TXNRD3: variants seen among roughly 807,000 people sequenced by gnomAD.
TXNRD3 encodes the protein TXNRD3 neighbor gene protein.
In TXNRD3, 68 loss-of-function variants were observed where a neutral mutation model predicts 78.2. That is an observed-to-expected ratio of 0.87 (90% confidence interval 0.72 to 1.06). The LOEUF is 1.06. TXNRD3 is among the 50% of genes least tolerant of loss of function. The pLI is 0.00. For missense variants in TXNRD3, 751 were observed against 809.5 expected, an observed-to-expected ratio of 0.93 and a Z score of 0.88; for synonymous variants, 296 against 300.1, an observed-to-expected ratio of 0.99 and a Z score of 0.14.
intron 9 of TXNRD3, 30 bp from the exon 10 acceptor site, chr3:126,629,501 A>G: frequency 6.8e-7 from 1 of 1,477,650 alleles, no homozygotes; most frequent in African/African-American, 1.4e-5. Context: ...TAATGATGTT[A>G]TCTAAATATG....
intron 6 of TXNRD3, among the ~76,000 whole-genome samples, chr3:126,634,896 C>T (rs1453860562): frequency 1.3e-5 from 2 of 152,156 alleles, no homozygotes; most frequent in African/African-American, 4.8e-5. Flanking sequence ...GGGATGTTAC[C>T]ATGCAGGAAA....
chr3:126,646,300 T>G, intron 2 of TXNRD3, 80 bp from the exon 3 acceptor site: 1 of 1,154,336 alleles, frequency 8.7e-7, no homozygotes, highest in South Asian at 1.7e-5. Context: ...GTTACAACAC[T>G]CAAATGTTCA....
At position 126,654,815 on chromosome 3, in the gene TXNRD3, A is replaced by C; in HGVS notation, c.176T>G (p.Leu59Arg). 7.0e-7 allele frequency: 1 copy of C among 1,422,018 alleles called. No individual in the cohort carries two copies. The highest frequency in any genetic ancestry group is 9.2e-7 in the Non-Finnish European group (1 of 1,088,934). The allele number at this position is 1,422,018 out of a possible 1,614,324, so 88.1% of individuals were successfully genotyped here. A position where few individuals can be genotyped will look rare whatever the true frequency, so the allele number is the denominator to read the frequency against. ...CCGGCTGCGCTCGATGAGGCCCACGAGGTGGCGGCGCAGCTCCTCGCGGGC... is the reference window on the plus strand; with the variant it reads ...CCGGCTGCGCTCGATGAGGCCCACGCGGTGGCGGCGCAGCTCCTCGCGGGC... Residue 59 changes from leucine to arginine, a missense_variant, in exon 1 of 16, where the codon CTC becomes CGC. Coordinates refer to ENST00000524230, the MANE Select transcript of TXNRD3 (RefSeq NM_052883.3).
At chr3:126,648,483 G>A (rs1289773142) in intron 1 of TXNRD3, among the ~76,000 whole-genome samples, 1 of 152,128 alleles carries the variant, frequency 6.6e-6, no homozygotes, top group Non-Finnish European at 1.5e-5. Context: ...GTGCCGTACT[G>A]GCATAAAGAC....
At position 126,629,122 on chromosome 3, in the gene TXNRD3, A is replaced by C. The variant is rs184423061; in HGVS notation, c.1290+257T>G. Reference sequence around the variant, plus strand: ...AAATGTATAAAATATCTAATTTTCCAAAAGTAAGCACACATCTGGATATAT... The same window carrying C: ...AAATGTATAAAATATCTAATTTTCCCAAAGTAAGCACACATCTGGATATAT... On this transcript the variant is annotated intron_variant, in intron 10 of 15. Coordinates refer to ENST00000524230, the MANE Select transcript of TXNRD3 (RefSeq NM_052883.3). Among the ~76,000 whole-genome samples, 866 of 152,288 alleles carry C rather than the reference A, an allele frequency of 5.7e-3. 1 individual carries two copies. Among genetic ancestry groups the C allele is most frequent in the Non-Finnish European group, 9.8e-3 (666 of 67,984 alleles).
At chr3:126,634,923 G>A (rs182678346) in intron 6 of TXNRD3, among the ~76,000 whole-genome samples, 1 of 152,116 alleles carries the variant, frequency 6.6e-6, no homozygotes, top group South Asian at 2.1e-4. Context: ...CGACTGGAGG[G>A]GACAGTCAGT....
intron 7 of TXNRD3, among the ~76,000 whole-genome samples, 160 bp from the exon 8 acceptor site, chr3:126,632,039 G>A (rs1205591805): frequency 1.3e-5 from 2 of 152,216 alleles, no homozygotes; most frequent in Non-Finnish European, 2.9e-5. Flanking sequence ...ACAGAAAACA[G>A]AAGTCTTTAT....
Position 126,646,184 on chromosome 3 carries a change from A to G in TXNRD3, c.341T>C (p.Ile114Thr). ...ATTGGGCACAGTTTTCTGATTAGTG[A>G]TTTCTGACAGCACTTCTTGAACCCT... The change falls in exon 3 of 16, where the codon ATC (isoleucine) becomes ACC (threonine). Residue 114 changes from isoleucine (I) to threonine (T), a missense_variant. Coordinates refer to ENST00000524230, the MANE Select transcript of TXNRD3 (RefSeq NM_052883.3). 6.5e-7 allele frequency: 1 copy of G among 1,534,970 alleles called. No individual in the cohort carries two copies. Among genetic ancestry groups the G allele is most frequent in the Non-Finnish European group, 8.7e-7 (1 of 1,146,554 alleles).
At chr3:126,626,048 T>C (rs1938573083) in intron 10 of TXNRD3, 1 of 152,268 alleles carries the variant, frequency 6.6e-6, no homozygotes. Flanking sequence ...ATGGACCTAA[T>C]TCAGTTTTCT....
intron 15 of TXNRD3, 133 bp downstream of exon 15, chr3:126,608,366 A>T: frequency 9.2e-7 from 1 of 1,087,444 alleles, no homozygotes; most frequent in Non-Finnish European, 1.2e-6. Flanking sequence ...GTCTGAAAAA[A>T]ATAAAATGAA....
intron 12 of TXNRD3, among the ~76,000 whole-genome samples, chr3:126,618,863 C>CAAAAAA (rs36021189): frequency 4.1e-5 from 3 of 73,096 alleles, no homozygotes; most frequent in Non-Finnish European, 5.7e-5. Flanking sequence ...AACTCAGAGC[C>CAAAAAA]AAAAAAAAAA....
intron 1 of TXNRD3, among the ~76,000 whole-genome samples, chr3:126,654,107 T>A (rs1933452750): frequency 6.6e-6 from 1 of 152,018 alleles, no homozygotes; most frequent in South Asian, 2.1e-4. Flanking sequence ...ACAGTACTAG[T>A]GTCACTTTAT....
chr3:126,646,069 T>C, intron 3 of TXNRD3, 42 bp downstream of exon 3: 6 of 1,416,958 alleles, frequency 4.2e-6, no homozygotes, highest in Non-Finnish European at 5.6e-6. Flanking sequence ...TTTTTTAAAA[T>C]ATGAACAAAC....
Position 126,654,736 on chromosome 3 carries a change from G to C in TXNRD3, c.243+12C>G, listed in dbSNP as rs749816814. 9.1e-6 allele frequency: 12 copies of C among 1,320,178 alleles called. No homozygotes were observed. Among genetic ancestry groups the C allele is most frequent in the Middle Eastern group, 2.4e-4 (1 of 4,180 alleles). The allele number at this position is 1,320,178 out of a possible 1,614,324, so 81.8% of individuals were successfully genotyped here. ...GGTCGCGCGCGGTGGAACCGGCGAG[G>C]GCCGCGCCTACCCGAGTACTATGGG... On this transcript the variant is annotated intron_variant, in intron 1 of 15. Coordinates refer to ENST00000524230, the MANE Select transcript of TXNRD3 (RefSeq NM_052883.3).
At chr3:126,642,284 A>G in intron 5 of TXNRD3, 133 bp from the exon 6 acceptor site, 2 of 1,211,790 alleles carry the variant, frequency 1.7e-6, no homozygotes, top group East Asian at 2.7e-5. Flanking sequence ...AAAATAAGAC[A>G]CAAGGGATTA....
intron 7 of TXNRD3, among the ~76,000 whole-genome samples, chr3:126,633,055 C>G (rs2107619872): frequency 6.6e-6 from 1 of 152,230 alleles, no homozygotes. Flanking sequence ...TTTTAAAGGG[C>G]TGACTTTATC....
rs14682 is a variant in TXNRD3, at chr3:126,607,658, C to T, written c.*247G>A. On this transcript the variant is annotated 3_prime_UTR_variant, in exon 16 of 16. Coordinates refer to ENST00000524230, the MANE Select transcript of TXNRD3 (RefSeq NM_052883.3). The stretch of plus-strand genomic sequence containing the variant: ...GAGTCAGCCTTGGCTCACCTCATAA[C>T]GGGGCTCCAAGCTAAGGCGTCAAGG... 1,597 of 333,060 alleles carry T rather than the reference C, an allele frequency of 4.8e-3. 5 individuals carry two copies. The highest frequency in any genetic ancestry group is 0.015 in the African/African-American group (692 of 47,162). 20.6% of individuals were successfully genotyped at this position (333,060 alleles called of 1,614,324 possible).
intron 2 of TXNRD3, among the ~76,000 whole-genome samples, chr3:126,647,030 C>T (rs544214786): frequency 1.3e-5 from 2 of 152,306 alleles, no homozygotes; most frequent in East Asian, 1.9e-4. Context: ...ACTCCCTTCC[C>T]TCAAATATGG....
At chr3:126,630,528 C>G (rs1314926780) in intron 9 of TXNRD3, among the ~76,000 whole-genome samples, 184 bp downstream of exon 9, 4 of 152,062 alleles carry the variant, frequency 2.6e-5, no homozygotes, top group Non-Finnish European at 4.4e-5. Context: ...CTGAGAAGAG[C>G]AAGGACACCT....
Sources: allele counts gnomAD v4.1 joint callset (sites outside exome capture counted in the v4.1 genomes callset), GRCh38; gene constraint gnomAD v4.1.1; transcripts MANE v1.5; gene names NCBI Gene and HGNC (gene_info 2026-07-23, HGNC 2026-07-21).